The following NOVA1 variants were observed in gnomAD, a reference collection of about 807,000 sequenced individuals.
NOVA1 encodes the protein RNA-binding protein Nova-1.
A neutral mutation model predicts 38.0 loss-of-function variants in NOVA1; 7 were observed. That is an observed-to-expected ratio of 0.18 (90% CI 0.10 to 0.35). The LOEUF is 0.35. Ranked by LOEUF, NOVA1 falls within the 10% of genes least tolerant of loss-of-function variation. The probability of loss-of-function intolerance (pLI) is 1.00; values close to 1 mark genes in which losing one functional copy is unlikely to be tolerated. For synonymous variants in NOVA1, 270 were observed against 232.5 expected (o/e 1.16, Z -1.47); for missense variants, 460 against 616.0 (o/e 0.75, Z 2.68).
At chr14:26,533,951 G>C (rs965578484) in intron 2 of NOVA1, among the ~76,000 whole-genome samples, 8 of 152,248 alleles carry the variant, frequency 5.3e-5, no homozygotes, top group South Asian at 4.1e-4. Flanking sequence ...TCTGTGCTCA[G>C]ACTGCTGTAT....
At chr14:26,504,339 T>A (rs1887467021) in intron 2 of NOVA1, among the ~76,000 whole-genome samples, 1 of 152,212 alleles carries the variant, frequency 6.6e-6, no homozygotes, top group Admixed American at 6.5e-5. Context: ...ATTTTCAATA[T>A]ACACACTTTT....
At chr14:26,509,573 A>T (rs1887900538) in intron 2 of NOVA1, among the ~76,000 whole-genome samples, 1 of 152,192 alleles carries the variant, frequency 6.6e-6, no homozygotes, top group Non-Finnish European at 1.5e-5. Flanking sequence ...TAAAATTTAC[A>T]ATGTGCCTAG....
chr14:26,597,495 CT>C lies in NOVA1; in HGVS notation c.-60del. ...GTTCTCCCTTTTGTTTTGGCTTTTT[CT>C]TTTCTTTTTTCTTTTTTTTTTTTTT... On this transcript the variant is annotated 5_prime_UTR_variant, in exon 1 of 5. Transcript: ENST00000539517. 3 of 888,802 alleles carry C rather than the reference CT, an allele frequency of 3.4e-6. No individual in the cohort carries two copies. Among genetic ancestry groups the C allele is most frequent in the Non-Finnish European group, 4.1e-6 (3 of 734,946 alleles). 55.1% of individuals were successfully genotyped at this position (888,802 alleles called of 1,614,324 possible).
rs1882313184 is a variant in NOVA1 at position 26,448,505 on chromosome 14, T to A, written c.978A>T (p.Gly326=). Residue 326 remains glycine, a synonymous_variant, in exon 5 of 5, where the codon GGA becomes GGT. Coordinates refer to ENST00000539517, the MANE Select transcript of NOVA1 (RefSeq NM_002515.3). The surrounding 1 kb of genome is among the most constrained non-coding windows in gnomAD (Gnocchi z 5.3). ...TSALNTLASY[G]YNLNTLGLGL... is the part of the protein sequence containing the mutation. ...CTAAACCTAAAGTGTTGAGATTATA[T>A]CCATAGCTGGCTAATGTATTAAGTG... The A allele has an allele frequency of 6.2e-7, 1 of 1,614,146 alleles. No homozygotes were observed. Among genetic ancestry groups the A allele is most frequent in the Non-Finnish European group, 8.5e-7 (1 of 1,180,026 alleles).
At position 26,446,982 on chromosome 14, in the gene NOVA1, A is replaced by G. The variant is rs1594305666; in HGVS notation, c.*977T>C. 6.5e-6 allele frequency: 1 copy of G among 152,786 alleles called. No homozygotes were observed. Among genetic ancestry groups the G allele is most frequent in the Non-Finnish European group, 1.5e-5 (1 of 68,038 alleles). The allele number at this position is 152,786 out of a possible 1,614,324, so 9.5% of individuals were successfully genotyped here. The stretch of plus-strand genomic sequence containing the variant: ...CTTCACAGTAAAATCTACATTCACA[A>G]TACTAATAGGTTTCTAGTGTTAACA... On this transcript the variant is annotated 3_prime_UTR_variant, in exon 5 of 5. Coordinates refer to ENST00000539517, the MANE Select transcript of NOVA1 (RefSeq NM_002515.3).
At chr14:26,572,737 T>TGTGTGTGTGTGTGTGTGG in intron 2 of NOVA1, among the ~76,000 whole-genome samples, 1 of 150,680 alleles carries the variant, frequency 6.6e-6, no homozygotes, top group Non-Finnish European at 1.5e-5. Context: ...TGTGTGTGTG[T>TGTGTGTGTGTGTGTGTGG]GTGTGTGTGT....
chr14:26,558,375 T>C (rs889171077), intron 2 of NOVA1, among the ~76,000 whole-genome samples: 8 of 152,148 alleles, frequency 5.3e-5, no homozygotes, highest in Admixed American at 2.0e-4. Flanking sequence ...TAATAATAAG[T>C]TGTTAATAGT....
At position 26,448,233 on chromosome 14, in the gene NOVA1, G is replaced by A. The variant is rs780447222; in HGVS notation, c.1250C>T (p.Thr417Ile). 1 of 1,614,200 alleles carries A rather than the reference G, an allele frequency of 6.2e-7. No individual in the cohort carries two copies. The highest frequency in any genetic ancestry group is 8.5e-7 in the Non-Finnish European group (1 of 1,180,046). ...ASAILGTEKS[T>I]DGSKDVVEIA... ...TTCAACTACATCCTTGGATCCATCT[G>A]TGGACTTTTCTGTTCCTAGAATGGC... Residue 417 changes from threonine to isoleucine, a missense_variant, in exon 5 of 5, where the codon ACA (threonine) becomes ATA (isoleucine). Physicochemically the swap from Thr to Ile is moderately conservative, Grantham distance 89. Transcript: ENST00000539517. This position sits in a 1 kb window ranked among gnomAD's most constrained non-coding sequence, Gnocchi z 5.3.
At chr14:26,575,338 G>C (rs1247322347) in intron 2 of NOVA1, among the ~76,000 whole-genome samples, 1 of 152,108 alleles carries the variant, frequency 6.6e-6, no homozygotes, top group Non-Finnish European at 1.5e-5. Flanking sequence ...TATCAGTTAT[G>C]TGAAAATATA....
Position 26,444,680 on chromosome 14 carries a change from T to C in NOVA1, c.*3279A>G, listed in dbSNP as rs1177507552. The C allele has an allele frequency of 6.6e-6, 1 of 151,292 alleles. No individual in the cohort carries two copies. The highest frequency in any genetic ancestry group is 1.5e-5 in the Non-Finnish European group (1 of 67,904). 9.4% of individuals were successfully genotyped at this position (151,292 alleles called of 1,614,324 possible). ...TTAACTGTTTCAGGAGTGGGGTGGG[T>C]GAAGTGAAGTAGGATTGAAAGTCCT... On this transcript the variant is annotated 3_prime_UTR_variant, in exon 5 of 5. Coordinates refer to ENST00000539517, the MANE Select transcript of NOVA1 (RefSeq NM_002515.3).
intron 4 of NOVA1, chr14:26,470,180 T>C (rs920080349): frequency 1.1e-6 from 1 of 884,478 alleles, no homozygotes; most frequent in Non-Finnish European, 1.4e-6. Context: ...TTCTTTTCAT[T>C]ACAATTAGCT....
At chr14:26,518,168 C>G (rs1037716423) in intron 2 of NOVA1, among the ~76,000 whole-genome samples, 2 of 151,890 alleles carry the variant, frequency 1.3e-5, no homozygotes, top group Non-Finnish European at 2.9e-5. Flanking sequence ...TTAAATGTCC[C>G]TGTTCAAGAT....
chr14:26,467,395 G>A lies in NOVA1; in HGVS notation c.519+4925C>T, dbSNP rs933089998. Among the ~76,000 whole-genome samples, 12 of 152,128 alleles carry A rather than the reference G, an allele frequency of 7.9e-5. No individual in the cohort carries two copies. The East Asian group carries it at 9.6e-4, about 12-fold the overall frequency. ...TGGCAAAGAGTTTTGGTGGAATGGC[G>A]GAGGCAAAAATTTGACTGAAGTGGA... On this transcript the variant is annotated intron_variant, in intron 4 of 4. Transcript: ENST00000539517.
intron 2 of NOVA1, among the ~76,000 whole-genome samples, chr14:26,534,835 T>C (rs1889957442): frequency 6.6e-6 from 1 of 151,864 alleles, no homozygotes; most frequent in South Asian, 2.1e-4. Context: ...AAGTAGAAAA[T>C]GTGATGACAA....
chr14:26,507,405 C>T (rs1887722648), intron 2 of NOVA1, among the ~76,000 whole-genome samples: 1 of 152,138 alleles, frequency 6.6e-6, no homozygotes, highest in African/African-American at 2.4e-5. Context: ...AAAGCTGCTA[C>T]TTTATATATT....
At chr14:26,453,877 G>A (rs1019870362) in intron 4 of NOVA1, among the ~76,000 whole-genome samples, 4 of 152,160 alleles carry the variant, frequency 2.6e-5, no homozygotes, top group Non-Finnish European at 4.4e-5. Flanking sequence ...ACACACATAT[G>A]ACATTACACT....
intron 2 of NOVA1, among the ~76,000 whole-genome samples, chr14:26,481,998 A>AAAC (rs1555318942): frequency 3.0e-5 from 1 of 33,702 alleles, no homozygotes; most frequent in Non-Finnish European, 2.0e-4. Context: ...TAAAAAAAAA[A>AAAC]AAAAAAAAAA....
At chr14:26,586,160 CAA>C (rs989834074) in intron 2 of NOVA1, among the ~76,000 whole-genome samples, 1 of 151,324 alleles carries the variant, frequency 6.6e-6, no homozygotes, top group Non-Finnish European at 1.5e-5. Flanking sequence ...AAGACTATCA[CAA>C]AAGAGTTTTT....
In NOVA1 at chr14:26,573,080, C is replaced by T. The variant is rs372301800; in HGVS notation, c.280+22330G>A. 5.3e-5 allele frequency among the ~76,000 whole-genome samples: 8 copies of T among 151,958 alleles called. No homozygotes were observed. In the South Asian group the frequency reaches 1.0e-3, roughly 20 times the overall value. On this transcript the variant is annotated intron_variant, in intron 2 of 4. Transcript: ENST00000539517. The stretch of plus-strand genomic sequence containing the variant: ...GAATCGAATGTAACCCTAACATTTA[C>T]GTGATGATTTCAAGAAACAAAAGAA...
Sources: allele counts gnomAD v4.1 joint callset (sites outside exome capture counted in the v4.1 genomes callset), GRCh38; gene constraint gnomAD v4.1.1; non-coding constraint Gnocchi (gnomAD v3.1); transcripts MANE v1.5; gene names NCBI Gene and HGNC (gene_info 2026-07-23, HGNC 2026-07-21).